Variants in COCH observed in about 807,000 individuals in gnomAD.
COCH encodes cochlin.
Under a neutral mutation model 54.8 loss-of-function variants are expected in COCH, and 40 were observed. That is an observed-to-expected ratio of 0.73 (90% CI 0.57 to 0.95). The LOEUF is 0.95. COCH is among the 40% of genes least tolerant of loss of function. COCH has a pLI of 0.00. For synonymous variants in COCH, 256 were observed against 237.9 expected, an observed-to-expected ratio of 1.08 and a Z score of -0.70; for missense variants, 605 against 675.0, an observed-to-expected ratio of 0.90 and a Z score of 1.15.
chr14:30,881,976 T>A (rs1251513726), intron 8 of COCH, among the ~76,000 whole-genome samples: 4 of 129,698 alleles, frequency 3.1e-5, no homozygotes, highest in African/African-American at 1.4e-4. Flanking sequence ...AAAATAAAAA[T>A]AAAAATAAAT....
chr14:30,880,427 AT>A (rs747162634), intron 6 of COCH, 24 bp from the exon 7 acceptor site: 10 of 1,612,944 alleles, frequency 6.2e-6, no homozygotes, highest in African/African-American at 1.3e-5. Flanking sequence ...CCTTTTGTTA[AT>A]GCCAAGTGCA....
In COCH at chr14:30,880,511, C is replaced by G. The variant is rs1004024834; in HGVS notation, c.481+15C>G. On this transcript the variant is annotated intron_variant, in intron 7 of 11. Transcript: ENST00000396618. ...TGGCAATAAAGGTAAGAATCAAGAT[C>G]TCCATTTGGGAAGGTAGCATTTTCC... 12 of 1,613,986 alleles carry G rather than the reference C, an allele frequency of 7.4e-6. No homozygotes were observed. The Admixed American group carries it at 1.5e-4, about 20-fold the overall frequency.
At position 30,880,583 on chromosome 14, in the gene COCH, G is replaced by C. The variant is rs773935807; in HGVS notation, c.482-4G>C. Reference sequence around the variant, plus strand: ...AATGAGGGGACTGGTTTGGTTGTTCGCAGATTGTAAAGCAGACATTGCATT... The same window carrying C: ...AATGAGGGGACTGGTTTGGTTGTTCCCAGATTGTAAAGCAGACATTGCATT... On this transcript the variant is annotated splice_region_variant and splice_polypyrimidine_tract_variant and intron_variant, in intron 7 of 11. Coordinates refer to ENST00000396618, the MANE Select transcript of COCH (RefSeq NM_004086.3). The C allele has an allele frequency of 6.2e-7, 1 of 1,614,024 alleles. No individual in the cohort carries two copies. Among genetic ancestry groups the C allele is most frequent in the East Asian group, 2.2e-5 (1 of 44,874 alleles).
In COCH at chr14:30,875,641, A is replaced by G. The variant is rs537559793; in HGVS notation, c.82+538A>G. On this transcript the variant is annotated intron_variant, in intron 3 of 11. Coordinates refer to ENST00000396618, the MANE Select transcript of COCH (RefSeq NM_004086.3). Reference sequence around the variant, plus strand: ...CGCGGTCTCACTCTACACGCTAGAGAGTTTAAAAAGTTTGTACCACGTGTA... The same window carrying G: ...CGCGGTCTCACTCTACACGCTAGAGGGTTTAAAAAGTTTGTACCACGTGTA... The G allele has an allele frequency of 1.2e-4, 29 of 242,002 alleles. 1 individual carries two copies. The South Asian group carries it at 4.4e-3, about 36-fold the overall frequency. The allele number at this position is 242,002 out of a possible 1,614,324, so 15.0% of individuals were successfully genotyped here. A position where few individuals can be genotyped will look rare whatever the true frequency, so the allele number is the denominator to read the frequency against.
At chr14:30,887,006 GCCA>G (rs1300914984) in intron 11 of COCH, among the ~76,000 whole-genome samples, 1 of 152,164 alleles carries the variant, frequency 6.6e-6, no homozygotes, top group Non-Finnish European at 1.5e-5. Flanking sequence ...ACAGGCATAA[GCCA>G]CCACACCCAA....
rs1895721012 is a variant in COCH, at chr14:30,884,674, C to A, written c.733+18C>A. On this transcript the variant is annotated intron_variant, in intron 9 of 11. Transcript: ENST00000396618. ...CAATACAGGTAAGTAGACTTTGATA[C>A]CTGGGATGTAACATAGGAGAGGGTT... The A allele has an allele frequency of 1.3e-6, 2 of 1,533,398 alleles. No individual in the cohort carries two copies. Among genetic ancestry groups the A allele is most frequent in the Non-Finnish European group, 1.8e-6 (2 of 1,106,714 alleles). 95.0% of individuals were successfully genotyped at this position (1,533,398 alleles called of 1,614,324 possible). A position where few individuals can be genotyped will look rare whatever the true frequency, so the allele number is the denominator to read the frequency against.
chr14:30,880,375 T>C (rs538754207), intron 6 of COCH, 77 bp from the exon 7 acceptor site: 5 of 1,587,568 alleles, frequency 3.1e-6, no homozygotes, highest in Non-Finnish European at 4.3e-6. Flanking sequence ...TCTGTTGTTA[T>C]GAGCTTCTCC....
At chr14:30,888,459 A>C (rs1257922785) in intron 11 of COCH, among the ~76,000 whole-genome samples, 1 of 152,178 alleles carries the variant, frequency 6.6e-6, no homozygotes, top group Non-Finnish European at 1.5e-5. Context: ...TGCACCCAGC[A>C]TTAGATAGAT....
chr14:30,885,664 C>T, intron 10 of COCH, 44 bp downstream of exon 10: 1 of 1,454,134 alleles, frequency 6.9e-7, no homozygotes, highest in Non-Finnish European at 9.7e-7. Flanking sequence ...ATGGGTATTC[C>T]ATTTTGGACC....
In COCH at chr14:30,885,789, C is replaced by T. The variant is rs1895767409; in HGVS notation, c.961-7C>T. The T allele has an allele frequency of 6.2e-7, 1 of 1,613,672 alleles. No individual in the cohort carries two copies. Among genetic ancestry groups the T allele is most frequent in the African/African-American group, 1.3e-5 (1 of 74,892 alleles). On this transcript the variant is annotated splice_region_variant and splice_polypyrimidine_tract_variant and intron_variant, in intron 10 of 11. Coordinates refer to ENST00000396618, the MANE Select transcript of COCH (RefSeq NM_004086.3). ...TTTGGATATCTTTTATGTGTCTCCCCCATTAGGCTGTCTGTCGGAATAATG... is the reference window on the plus strand; with the variant it reads ...TTTGGATATCTTTTATGTGTCTCCCTCATTAGGCTGTCTGTCGGAATAATG...
chr14:30,874,594 G>A lies in COCH; in HGVS notation c.-24+3G>A. On this transcript the variant is annotated splice_donor_region_variant and intron_variant, in intron 1 of 11. Transcript: ENST00000396618. ...GCAGCCGGGTGGATCTCGAGCAGGT[G>A]CGGAGCCCCGGGCGGCGGGCGCGGG... The A allele has an allele frequency of 2.1e-6, 1 of 478,814 alleles. No homozygotes were observed. Among genetic ancestry groups the A allele is most frequent in the Non-Finnish European group, 3.8e-6 (1 of 263,972 alleles). 29.7% of individuals were successfully genotyped at this position (478,814 alleles called of 1,614,324 possible). A position where few individuals can be genotyped will look rare whatever the true frequency, so the allele number is the denominator to read the frequency against.
At chr14:30,884,806 T>C in intron 9 of COCH, 150 bp downstream of exon 9, 37 of 1,365,714 alleles carry the variant, frequency 2.7e-5, no homozygotes, top group Non-Finnish European at 3.4e-5. Flanking sequence ...TCATCTGAGA[T>C]AAATTTTCAA....
At chr14:30,895,094 G>GAGA (rs1566421013), downstream of COCH, 461 of 108,022 alleles carry the variant, frequency 4.3e-3, 3 homozygotes, top group South Asian at 9.5e-3. Flanking sequence ...AAGAAGAAGA[G>GAGA]AAAAAAAAAA....
downstream of COCH, among the ~76,000 whole-genome samples, chr14:30,893,149 ATTTTTTTTTTTT>A (rs754080275): frequency 1.1e-4 from 10 of 91,248 alleles, no homozygotes; most frequent in Admixed American, 6.9e-4. Flanking sequence ...AAAAACCACA[ATTTTTTTTTTTT>A]TTTTTTTTTT....
downstream of COCH, chr14:30,890,682 G>C: frequency 1.9e-6 from 1 of 536,858 alleles, no homozygotes; most frequent in Non-Finnish European, 2.4e-6. Context: ...CATGTGGAAA[G>C]ACCAATCTGA....
chr14:30,894,896 T>C, downstream of COCH: 1 of 1,008,284 alleles, frequency 9.9e-7, no homozygotes, highest in Non-Finnish European at 1.3e-6. Flanking sequence ...TCTTTTTCTT[T>C]TTTTTTTTTT....
chr14:30,880,827 G>C, intron 8 of COCH, 93 bp downstream of exon 8: 2 of 909,612 alleles, frequency 2.2e-6, no homozygotes, highest in South Asian at 2.8e-5. Context: ...ACATAGTGAT[G>C]TTTTCATACA....
At chr14:30,895,296 T>G, downstream of COCH, 1 of 1,047,100 alleles carries the variant, frequency 9.6e-7, no homozygotes, top group South Asian at 1.9e-5. Context: ...CTGCCCCAGA[T>G]AGCCTTCACC....
chr14:30,890,873 C>CA (rs768114580), downstream of COCH, among the ~76,000 whole-genome samples: 1 of 150,914 alleles, frequency 6.6e-6, no homozygotes, highest in Non-Finnish European at 1.5e-5. Flanking sequence ...ACCCCCTCTA[C>CA]AAAAAAGAAA....
Sources: allele counts gnomAD v4.1 joint callset (sites outside exome capture counted in the v4.1 genomes callset), GRCh38; gene constraint gnomAD v4.1.1; transcripts MANE v1.5; gene names NCBI Gene and HGNC (gene_info 2026-07-23, HGNC 2026-07-21).